Variants in EDA observed in about 807,000 individuals in gnomAD.
EDA encodes the protein ectodysplasin-A.
Under a neutral mutation model 23.6 loss-of-function variants are expected in EDA, and 2 were observed. That is an observed-to-expected ratio of 0.08 (90% CI 0.03 to 0.27). The LOEUF (loss-of-function observed/expected upper bound fraction) is 0.27. Among genes scored for constraint, EDA ranks in the 10% least tolerant of loss-of-function variants. EDA has a pLI of 1.00. For missense variants in EDA, 229 were observed against 324.2 expected, an observed-to-expected ratio of 0.71 and a Z score of 2.26; for synonymous variants, 131 against 132.0, an observed-to-expected ratio of 0.99 and a Z score of 0.05.
At chrX:69,991,787 T>G (rs189720899) in intron 2 of EDA, among the ~76,000 whole-genome samples, 2 of 112,236 alleles carry the variant, frequency 1.8e-5, no homozygotes, top group Non-Finnish European at 3.8e-5. Flanking sequence ...CTGTGTTGCC[T>G]TCTGCCATTG....
At chrX:69,632,490 C>G (rs1932638513) in intron 1 of EDA, among the ~76,000 whole-genome samples, 1 of 112,164 alleles carries the variant, frequency 8.9e-6, no homozygotes, top group Non-Finnish European at 1.9e-5. Context: ...ACTACAAATT[C>G]AGGCCCCAAC....
chrX:69,977,419 TGA>T (rs761195568), intron 2 of EDA, among the ~76,000 whole-genome samples: 1 of 112,016 alleles, frequency 8.9e-6, no homozygotes, highest in East Asian at 2.8e-4. Flanking sequence ...TTCCTTGAGG[TGA>T]GAGACCATGT....
intron 6 of EDA, among the ~76,000 whole-genome samples, chrX:70,030,752 G>A (rs965647486): frequency 8.9e-6 from 1 of 112,789 alleles, no homozygotes; most frequent in Middle Eastern, 4.2e-3. Flanking sequence ...AGCTGAAAGG[G>A]ACTTGAGACA....
chrX:70,013,664 T>C (rs1271990523), intron 2 of EDA, among the ~76,000 whole-genome samples: 6 of 111,015 alleles, frequency 5.4e-5, no homozygotes, highest in Non-Finnish European at 1.1e-4. Flanking sequence ...AGGCCCATAG[T>C]GCAGCTGCCC....
intron 1 of EDA, among the ~76,000 whole-genome samples, chrX:69,813,863 C>T (rs1279372755): frequency 9.1e-6 from 1 of 109,386 alleles, no homozygotes; most frequent in Admixed American, 9.7e-5. Context: ...CAGCTGTAGA[C>T]CATCTGTGCT....
intron 1 of EDA, among the ~76,000 whole-genome samples, chrX:69,931,744 G>A: frequency 8.9e-6 from 1 of 111,733 alleles, no homozygotes; most frequent in South Asian, 3.8e-4. Flanking sequence ...CTGCTGGTGG[G>A]AATGTAAAAT....
intron 1 of EDA, among the ~76,000 whole-genome samples, chrX:69,871,143 A>G (rs2017560136): frequency 1.8e-5 from 2 of 111,441 alleles, no homozygotes; most frequent in South Asian, 3.8e-4. Context: ...AGGACTATTA[A>G]TGTTCTCCAT....
intron 1 of EDA, among the ~76,000 whole-genome samples, chrX:69,704,479 A>G (rs5936492): frequency 0.06 from 6,678 of 110,578 alleles, 203 homozygotes; most frequent in Non-Finnish European, 0.089. Flanking sequence ...TTTGATGTTA[A>G]TGTTAGTCAG....
At chrX:69,787,067 A>G (rs1471883835) in intron 1 of EDA, among the ~76,000 whole-genome samples, 2 of 102,515 alleles carry the variant, frequency 2.0e-5, no homozygotes, top group Admixed American at 1.1e-4. Flanking sequence ...GTCTCTTTTG[A>G]TCTTTGTTGG....
chrX:69,972,358 G>A (rs6625545), intron 2 of EDA, among the ~76,000 whole-genome samples: 9,877 of 111,050 alleles, frequency 0.089, 847 homozygotes, highest in East Asian at 0.61. Context: ...TTGGGGTTCT[G>A]TAGATTTTTC....
intron 1 of EDA, among the ~76,000 whole-genome samples, chrX:69,935,676 T>C (rs1197371028): frequency 9.0e-6 from 1 of 111,161 alleles, no homozygotes; most frequent in East Asian, 2.8e-4. Flanking sequence ...GTATAGGTAA[T>C]ACACATTATA....
At chrX:69,697,174 C>T (rs2011377047) in intron 1 of EDA, among the ~76,000 whole-genome samples, 1 of 111,618 alleles carries the variant, frequency 9.0e-6, no homozygotes, top group Non-Finnish European at 1.9e-5. Flanking sequence ...CAAATGAGGA[C>T]AGGGCAGGGA....
intron 1 of EDA, among the ~76,000 whole-genome samples, chrX:69,761,681 G>A (rs1015242072): frequency 8.9e-6 from 1 of 111,751 alleles, no homozygotes; most frequent in Admixed American, 9.5e-5. Flanking sequence ...TTCTACTGGG[G>A]ACATTTGATA....
intron 1 of EDA, among the ~76,000 whole-genome samples, chrX:69,812,741 A>G (rs1177845607): frequency 3.6e-5 from 4 of 111,699 alleles, no homozygotes; most frequent in African/African-American, 1.3e-4. Flanking sequence ...ATGGAGAACA[A>G]CCATGTTAAA....
intron 1 of EDA, among the ~76,000 whole-genome samples, chrX:69,879,078 G>A (rs866997882): frequency 2.8e-5 from 3 of 108,602 alleles, no homozygotes; most frequent in Non-Finnish European, 3.8e-5. Context: ...ATTCCGCGCC[G>A]CCCCCTCCCC....
chrX:69,845,254 G>T (rs1160982682), intron 1 of EDA, among the ~76,000 whole-genome samples: 1 of 112,238 alleles, frequency 8.9e-6, no homozygotes, highest in African/African-American at 3.2e-5. Context: ...TGTTACAGTT[G>T]GTTTTAGTGA....
At chrX:69,952,431 A>T (rs1267545579) in intron 1 of EDA, among the ~76,000 whole-genome samples, 1 of 111,252 alleles carries the variant, frequency 9.0e-6, no homozygotes, top group Non-Finnish European at 1.9e-5. Flanking sequence ...AAGCCATCAG[A>T]TCTCATGAAA....
intron 2 of EDA, among the ~76,000 whole-genome samples, chrX:69,982,057 C>T (rs1425355122): frequency 9.0e-6 from 1 of 111,118 alleles, no homozygotes; most frequent in African/African-American, 3.3e-5. Flanking sequence ...TAGGACTTGT[C>T]AAGTGGAGAC....
intron 2 of EDA, among the ~76,000 whole-genome samples, chrX:69,988,728 C>T (rs2147462839): frequency 9.1e-6 from 1 of 110,064 alleles, no homozygotes; most frequent in South Asian, 4.1e-4. Flanking sequence ...TGGTGGCAGG[C>T]ACCTGTAATC....
Sources: allele counts gnomAD v4.1 joint callset (sites outside exome capture counted in the v4.1 genomes callset), GRCh38; gene constraint gnomAD v4.1.1; transcripts MANE v1.5; gene names NCBI Gene and HGNC (gene_info 2026-07-23, HGNC 2026-07-21).